The following ZNF766 variants were observed in gnomAD, a reference collection of about 807,000 sequenced individuals.
ZNF766 encodes the protein zinc finger protein 766.
ZNF766 carries 13 observed loss-of-function variants against 13.2 expected under a neutral mutation model. The ratio of observed to expected loss-of-function variants is 0.98; its 90% CI spans 0.64 to 1.56. The LOEUF is 1.56. Among genes scored for constraint, ZNF766 ranks in the 40% most tolerant of loss-of-function variants. The pLI is 0.00. For synonymous variants in ZNF766, 178 were observed against 187.6 expected (o/e 0.95, Z 0.42); for missense variants, 521 against 552.2 (o/e 0.94, Z 0.57).
At chr19:52,275,384 G>A (rs1403397061) in intron 1 of ZNF766, among the ~76,000 whole-genome samples, 1 of 152,142 alleles carries the variant, frequency 6.6e-6, no homozygotes, top group East Asian at 1.9e-4. Flanking sequence ...TATTGCAAAA[G>A]AATCAAAAAG....
At chr19:52,286,852 T>C (rs1356613029) in intron 3 of ZNF766, among the ~76,000 whole-genome samples, 1 of 152,144 alleles carries the variant, frequency 6.6e-6, no homozygotes, top group Non-Finnish European at 1.5e-5. Flanking sequence ...TTTTGTTTTG[T>C]TTTAAGATGG....
At chr19:52,280,240 GC>G (rs1391675588) in intron 1 of ZNF766, among the ~76,000 whole-genome samples, 1 of 152,066 alleles carries the variant, frequency 6.6e-6, no homozygotes, top group African/African-American at 2.4e-5. Flanking sequence ...TGCACCGTTA[GC>G]CCCAGTTTCT....
Position 52,291,430 on chromosome 19 carries a change from G to A in ZNF766, c.*232G>A. ...ATATGATGTGTATAAAGGGTGCAAG[G>A]ACACGTGGAAATGATCTGTAATATT... is the stretch of plus-strand genomic sequence containing the variant. On this transcript the variant is annotated 3_prime_UTR_variant, in exon 4 of 4. Coordinates refer to ENST00000439461, the MANE Select transcript of ZNF766 (RefSeq NM_001010851.3). 1 of 461,560 alleles carries A rather than the reference G, an allele frequency of 2.2e-6. No homozygotes were observed. The allele number at this position is 461,560 out of a possible 1,614,324, so 28.6% of individuals were successfully genotyped here.
chr19:52,275,429 A>C (rs1326790727), intron 1 of ZNF766: 1 of 152,234 alleles, frequency 6.6e-6, no homozygotes, highest in Non-Finnish European at 1.5e-5. Flanking sequence ...AAACAGTTGG[A>C]ATAAGTAAGC....
At position 52,290,552 on chromosome 19, in the gene ZNF766, G is replaced by A. The variant is rs566692126; in HGVS notation, c.761G>A (p.Arg254Gln). The A allele has an allele frequency of 1.9e-6, 3 of 1,613,820 alleles. No homozygotes were observed. The highest frequency in any genetic ancestry group is 1.3e-5 in the African/African-American group (1 of 74,928). Residue 254 changes from arginine to glutamine, a missense_variant, in exon 4 of 4, where the codon CGA becomes CAA. Physicochemically the swap from Arg to Gln is conservative, Grantham distance 43. Transcript: ENST00000439461. ...KCKECGKLFN[R>Q]IAYLARHEKV... ...AAAGAGTGTGGCAAGCTCTTCAATC[G>A]AATTGCATACCTTGCACGACACGAG...
At chr19:52,285,506 G>T (rs1055511582) in intron 3 of ZNF766, among the ~76,000 whole-genome samples, 2 of 152,172 alleles carry the variant, frequency 1.3e-5, no homozygotes, top group African/African-American at 4.8e-5. Flanking sequence ...AAACACTCAG[G>T]TTTACCGGTT....
intron 3 of ZNF766, among the ~76,000 whole-genome samples, chr19:52,286,194 CTA>C (rs1568621166): frequency 6.6e-6 from 1 of 150,632 alleles, no homozygotes; most frequent in African/African-American, 2.5e-5. Context: ...CTTTTCCCCC[CTA>C]ATTATAAAGG....
At chr19:52,284,461 A>G (rs1173025058) in intron 3 of ZNF766, among the ~76,000 whole-genome samples, 2 of 152,130 alleles carry the variant, frequency 1.3e-5, no homozygotes, top group Admixed American at 1.3e-4. Context: ...TTGAGGTGGG[A>G]AAAAGTCAGT....
At chr19:52,287,343 G>C (rs762085571) in intron 3 of ZNF766, among the ~76,000 whole-genome samples, 2 of 151,726 alleles carry the variant, frequency 1.3e-5, no homozygotes, top group Non-Finnish European at 2.9e-5. Context: ...GGGTTTCACT[G>C]TGTTGGTCAG....
rs1246966286 is a variant in ZNF766, at chr19:52,282,240, A to G, written c.145+3A>G. 6.3e-7 allele frequency: 1 copy of G among 1,596,632 alleles called. No homozygotes were observed. The highest frequency in any genetic ancestry group is 1.1e-5 in the South Asian group (1 of 90,710). On this transcript the variant is annotated splice_donor_region_variant and intron_variant, in intron 2 of 3. Coordinates refer to ENST00000439461, the MANE Select transcript of ZNF766 (RefSeq NM_001010851.3). ...CTACAGGAACCTGGTCTCCCTGGGT[A>G]AGGATAATGCCCCTCCAGAAGTTGG... is the stretch of plus-strand genomic sequence containing the variant.
At chr19:52,279,985 G>T (rs760754835) in intron 1 of ZNF766, among the ~76,000 whole-genome samples, 47 of 151,580 alleles carry the variant, frequency 3.1e-4, no homozygotes, top group Non-Finnish European at 5.2e-4. Flanking sequence ...TAGCAGAGAC[G>T]GGGTTTCACC....
At chr19:52,281,246 C>G (rs902421594) in intron 1 of ZNF766, among the ~76,000 whole-genome samples, 1 of 151,392 alleles carries the variant, frequency 6.6e-6, no homozygotes, top group Non-Finnish European at 1.5e-5. Flanking sequence ...GGGCCGGGTG[C>G]GGTGGCTCAT....
chr19:52,269,696 A>G lies in ZNF766; in HGVS notation c.18+65A>G, dbSNP rs1980885551. 4 of 1,598,292 alleles carry G rather than the reference A, an allele frequency of 2.5e-6. No individual in the cohort carries two copies. The Admixed American group carries it at 6.8e-5, about 27-fold the overall frequency. ...GTGCCCTCACGCTTCTGTACCCGGGATGTGGGGGGCGGTACAGACCTTGAA... is the reference window on the plus strand; with the variant it reads ...GTGCCCTCACGCTTCTGTACCCGGGGTGTGGGGGGCGGTACAGACCTTGAA... On this transcript the variant is annotated intron_variant, in intron 1 of 3. Coordinates refer to ENST00000439461, the MANE Select transcript of ZNF766 (RefSeq NM_001010851.3).
intron 1 of ZNF766, among the ~76,000 whole-genome samples, chr19:52,272,721 A>T (rs1201495151): frequency 6.6e-6 from 1 of 151,446 alleles, no homozygotes; most frequent in Non-Finnish European, 1.5e-5. Flanking sequence ...CACACACACT[A>T]CCCTTCCTTA....
At chr19:52,288,073 T>A (rs1452519754) in intron 3 of ZNF766, 7 of 398,432 alleles carry the variant, frequency 1.8e-5, no homozygotes, top group Admixed American at 3.4e-5. Flanking sequence ...CAGGCTGGAG[T>A]ACAGTGGTGT....
At position 52,295,925 on chromosome 19, in the gene ZNF766, C is replaced by T. The variant is rs1260615914; in HGVS notation, c.*4727C>T. 1 of 152,008 alleles carries T rather than the reference C, an allele frequency of 6.6e-6. No individual in the cohort carries two copies. The highest frequency in any genetic ancestry group is 2.1e-4 in the South Asian group (1 of 4,818). 9.4% of individuals were successfully genotyped at this position (152,008 alleles called of 1,614,324 possible). A position where few individuals can be genotyped will look rare whatever the true frequency, so the allele number is the denominator to read the frequency against. On this transcript the variant is annotated 3_prime_UTR_variant, in exon 4 of 4. Coordinates refer to ENST00000439461, the MANE Select transcript of ZNF766 (RefSeq NM_001010851.3). The stretch of plus-strand genomic sequence containing the variant: ...TTTTCTACATAATTGTTTGGATAAT[C>T]TTGTCAGTATCTACGAAGTGCCTTG...
chr19:52,285,608 G>A (rs966045550), intron 3 of ZNF766, among the ~76,000 whole-genome samples: 8 of 152,214 alleles, frequency 5.3e-5, no homozygotes, highest in Admixed American at 2.6e-4. Context: ...CTCCCTGGGC[G>A]TGCCACTCTC....
At position 52,292,401 on chromosome 19, in the gene ZNF766, A is replaced by C. The variant is rs1001984913; in HGVS notation, c.*1203A>C. 1 of 522,886 alleles carries C rather than the reference A, an allele frequency of 1.9e-6. No homozygotes were observed. The highest frequency in any genetic ancestry group is 3.4e-6 in the Non-Finnish European group (1 of 294,852). 32.4% of individuals were successfully genotyped at this position (522,886 alleles called of 1,614,324 possible). ...TGTGCTCTACAAATGACCATGAAAT[A>C]GAGCACGCCATGACTTTAGGACACA... On this transcript the variant is annotated 3_prime_UTR_variant, in exon 4 of 4. Coordinates refer to ENST00000439461, the MANE Select transcript of ZNF766 (RefSeq NM_001010851.3).
intron 1 of ZNF766, among the ~76,000 whole-genome samples, chr19:52,269,964 C>T (rs1489015109): frequency 2.6e-5 from 4 of 152,220 alleles, no homozygotes; most frequent in Non-Finnish European, 4.4e-5. Flanking sequence ...TTGTCGGCCC[C>T]TGGGGCGCAG....
Sources: allele counts gnomAD v4.1 joint callset (sites outside exome capture counted in the v4.1 genomes callset), GRCh38; gene constraint gnomAD v4.1.1; transcripts MANE v1.5; gene names NCBI Gene and HGNC (gene_info 2026-07-23, HGNC 2026-07-21).